ADGRL3: variants seen among roughly 807,000 people sequenced by gnomAD.
ADGRL3 encodes the protein adhesion G protein-coupled receptor L3.
In ADGRL3, 62 loss-of-function variants were observed where a neutral mutation model predicts 153.5. The ratio of observed to expected loss-of-function variants is 0.40; its 90% confidence interval spans 0.33 to 0.50. ADGRL3 has a LOEUF of 0.50. Among genes scored for constraint, ADGRL3 ranks in the 20% least tolerant of loss-of-function variants. The pLI is 0.47. For missense variants in ADGRL3, 1,641 were observed against 1,859.4 expected (o/e 0.88, Z 2.16); for synonymous variants, 710 against 672.5 (o/e 1.06, Z -0.86).
chr4:61,256,051 A>C (rs1220157627), intron 1 of ADGRL3, among the ~76,000 whole-genome samples: 2 of 152,204 alleles, frequency 1.3e-5, no homozygotes, highest in African/African-American at 2.4e-5. Context: ...CCTTTCAAAA[A>C]ATATGGTCTT....
chr4:62,034,104 A>G lies in ADGRL3; in HGVS notation c.3591+2494A>G, dbSNP rs142891062. On this transcript the variant is annotated intron_variant, in intron 23 of 26. Coordinates refer to ENST00000683033, the MANE Select transcript of ADGRL3 (RefSeq NM_001387552.1). ...ATTTAGAGTTTTTAGTATATTTAAC[A>G]TAAGTTAAATTTTAAAATATATATG... Among the ~76,000 whole-genome samples the G allele has an allele frequency of 4.6e-5, 7 of 151,908 alleles. No individual in the cohort carries two copies. In the East Asian group the frequency reaches 1.4e-3, roughly 29 times the overall value.
chr4:61,447,546 C>T (rs553236924), intron 2 of ADGRL3, among the ~76,000 whole-genome samples: 5 of 152,178 alleles, frequency 3.3e-5, no homozygotes, highest in African/African-American at 4.8e-5. Flanking sequence ...TTGGTATATT[C>T]AGATTTTTGG....
intron 5 of ADGRL3, among the ~76,000 whole-genome samples, chr4:61,660,985 A>C (rs921671093): frequency 6.6e-6 from 1 of 152,108 alleles, no homozygotes; most frequent in African/African-American, 2.4e-5. Context: ...TCTTAGATTC[A>C]GTAACCCATC....
intron 4 of ADGRL3, among the ~76,000 whole-genome samples, chr4:61,521,116 A>G (rs1023810893): frequency 1.3e-5 from 2 of 152,112 alleles, no homozygotes; most frequent in African/African-American, 4.8e-5. Context: ...AGGAATACCT[A>G]TTATAGGGGT....
intron 4 of ADGRL3, among the ~76,000 whole-genome samples, chr4:61,522,421 A>T (rs1579319539): frequency 6.6e-6 from 1 of 152,098 alleles, no homozygotes; most frequent in Non-Finnish European, 1.5e-5. Flanking sequence ...AAAATGGTTA[A>T]TGTTCTCATT....
chr4:61,744,766 A>C (rs7691557), intron 8 of ADGRL3, among the ~76,000 whole-genome samples: 74,151 of 151,252 alleles, frequency 0.49, 18,902 homozygotes, highest in East Asian at 0.71. Flanking sequence ...AGATGGGGAA[A>C]AAACAGAGCA....
At chr4:61,706,023 T>G (rs1263199844) in intron 6 of ADGRL3, among the ~76,000 whole-genome samples, 1 of 152,150 alleles carries the variant, frequency 6.6e-6, no homozygotes, top group Non-Finnish European at 1.5e-5. Context: ...TAAATTCAAA[T>G]CTGCATTGGC....
At chr4:61,469,656 G>A (rs1230092730) in intron 2 of ADGRL3, among the ~76,000 whole-genome samples, 1 of 152,036 alleles carries the variant, frequency 6.6e-6, no homozygotes, top group African/African-American at 2.4e-5. Context: ...TAGATAAAGA[G>A]AATAAATAAA....
At chr4:61,620,257 G>C (rs190681515) in intron 5 of ADGRL3, among the ~76,000 whole-genome samples, 5 of 152,182 alleles carry the variant, frequency 3.3e-5, no homozygotes, top group Admixed American at 3.3e-4. Context: ...TAGGGCAATG[G>C]AAAGAACAAG....
At chr4:61,452,636 A>G (rs1258757624) in intron 2 of ADGRL3, among the ~76,000 whole-genome samples, 1 of 152,210 alleles carries the variant, frequency 6.6e-6, no homozygotes, top group East Asian at 1.9e-4. Context: ...GTTTTGAGGC[A>G]TAAAATATAT....
intron 21 of ADGRL3, among the ~76,000 whole-genome samples, chr4:61,999,051 G>A (rs2099131542): frequency 6.6e-6 from 1 of 152,182 alleles, no homozygotes; most frequent in African/African-American, 2.4e-5. Flanking sequence ...GGAGCTGTTA[G>A]ATGGCTGCCA....
At chr4:61,453,149 T>C (rs1056783920) in intron 2 of ADGRL3, among the ~76,000 whole-genome samples, 3 of 152,174 alleles carry the variant, frequency 2.0e-5, no homozygotes, top group African/African-American at 4.8e-5. Flanking sequence ...TGAAGGTTGA[T>C]TGTGAAACAT....
chr4:61,562,964 A>C (rs746531894), intron 4 of ADGRL3, among the ~76,000 whole-genome samples: 2 of 141,790 alleles, frequency 1.4e-5, no homozygotes, highest in African/African-American at 2.6e-5. Flanking sequence ...AAAAAAAAAA[A>C]GGTGATTCAT....
chr4:61,912,700 G>A lies in ADGRL3; in HGVS notation c.2074-19G>A. 6.2e-7 allele frequency: 1 copy of A among 1,610,940 alleles called. No individual in the cohort carries two copies. Among genetic ancestry groups the A allele is most frequent in the Non-Finnish European group, 8.5e-7 (1 of 1,177,706 alleles). On this transcript the variant is annotated intron_variant, in intron 12 of 26. Transcript: ENST00000683033. ...GTTTTTTCTATTCTGTGTTTAATCT[G>A]CTGTCTTAATGGATTCAGCTTCAGA...
intron 4 of ADGRL3, among the ~76,000 whole-genome samples, chr4:61,520,745 G>GTCAT (rs1160627695): frequency 6.7e-6 from 1 of 150,032 alleles, no homozygotes; most frequent in Non-Finnish European, 1.5e-5. Flanking sequence ...TTAAGAATGT[G>GTCAT]TCATAGTATG....
At chr4:61,876,591 A>T (rs2098476674) in intron 9 of ADGRL3, among the ~76,000 whole-genome samples, 1 of 152,168 alleles carries the variant, frequency 6.6e-6, no homozygotes, top group Non-Finnish European at 1.5e-5. Flanking sequence ...CAGATATTCA[A>T]ACAATTAGTG....
intron 1 of ADGRL3, among the ~76,000 whole-genome samples, chr4:61,227,813 A>AAATGGTTATTGTT (rs1381213560): frequency 2.0e-5 from 3 of 152,312 alleles, no homozygotes; most frequent in Non-Finnish European, 4.4e-5. Context: ...TGAATATTTG[A>AAATGGTTATTGTT]AATGGTTATT....
chr4:61,807,067 C>T, intron 8 of ADGRL3, among the ~76,000 whole-genome samples: 1 of 152,124 alleles, frequency 6.6e-6, no homozygotes, highest in Non-Finnish European at 1.5e-5. Flanking sequence ...ATTGGGCTTC[C>T]TTTCCTTTAG....
intron 1 of ADGRL3, among the ~76,000 whole-genome samples, chr4:61,343,758 A>T (rs576542710): frequency 2.7e-4 from 41 of 152,322 alleles, no homozygotes; most frequent in Admixed American, 6.5e-4. Flanking sequence ...TACAGGGGGA[A>T]AAATGATTTA....
Sources: gnomAD v4.1 joint callset for allele counts (sites outside exome capture counted in the v4.1 genomes callset) on GRCh38, gnomAD v4.1.1 for gene constraint, MANE v1.5 for transcripts, NCBI Gene and HGNC (gene_info 2026-07-23, HGNC 2026-07-21) for gene names.